The following RBM19 variants were observed in gnomAD, a reference collection of about 807,000 sequenced individuals.
The protein encoded by RBM19 is probable RNA-binding protein 19.
RBM19 carries 94 observed loss-of-function variants against 116.8 expected under a neutral mutation model. The observed-to-expected ratio is 0.80, with a 90% CI of 0.68 to 0.95. The LOEUF (loss-of-function observed/expected upper bound fraction) is 0.95. Among genes scored for constraint, RBM19 ranks in the 40% least tolerant of loss-of-function variants. The pLI is 0.00. For missense variants in RBM19, 1,161 were observed against 1,220.7 expected, an observed-to-expected ratio of 0.95 and a Z score of 0.73; for synonymous variants, 475 against 494.1, an observed-to-expected ratio of 0.96 and a Z score of 0.51.
chr12:113,881,424 G>A (rs147976596), intron 21 of RBM19, among the ~76,000 whole-genome samples: 2 of 152,294 alleles, frequency 1.3e-5, no homozygotes, highest in East Asian at 3.9e-4. Context: ...AGTGAGAACA[G>A]TTTTTCCAGG....
Position 113,948,856 on chromosome 12 carries a change from A to G in RBM19, c.1253T>C (p.Leu418Pro), listed in dbSNP as rs1871253056. 1 of 1,614,076 alleles carries G rather than the reference A, an allele frequency of 6.2e-7. No homozygotes were observed. The highest frequency in any genetic ancestry group is 8.5e-7 in the Non-Finnish European group (1 of 1,180,036). The stretch of plus-strand genomic sequence containing the variant: ...ACCATATTTGGAGAAGAGCTTCTCC[A>G]GATCCTCCTCGGTGCTGGTGTAGGG... Reference protein sequence around the residue: ...NLPYTSTEEDLEKLFSKYGPL... With the variant: ...NLPYTSTEEDPEKLFSKYGPL... Residue 418 changes from leucine to proline, a missense_variant, in exon 10 of 24, where the codon CTG becomes CCG. By Grantham distance (98) the Leu-to-Pro change is moderately conservative (BLOSUM62 -3). Transcript: ENST00000261741.
At chr12:113,906,678 T>G (rs1882066841) in intron 21 of RBM19, among the ~76,000 whole-genome samples, 1 of 152,058 alleles carries the variant, frequency 6.6e-6, no homozygotes, top group African/African-American at 2.4e-5. Context: ...TCTCTGGATC[T>G]GCACGTGCTC....
At chr12:113,910,101 C>T (rs1330534801) in intron 21 of RBM19, among the ~76,000 whole-genome samples, 1 of 152,310 alleles carries the variant, frequency 6.6e-6, no homozygotes, top group Admixed American at 6.5e-5. Flanking sequence ...ACGCCATCCT[C>T]AGAGAGGCAG....
At chr12:113,937,697 G>A (rs1566028366) in intron 15 of RBM19, among the ~76,000 whole-genome samples, 1 of 150,324 alleles carries the variant, frequency 6.7e-6, no homozygotes, top group Non-Finnish European at 1.5e-5. Flanking sequence ...GAGCTCAGGA[G>A]TTTGAGGCTG....
At chr12:113,899,489 T>C (rs1881544851) in intron 21 of RBM19, among the ~76,000 whole-genome samples, 1 of 152,072 alleles carries the variant, frequency 6.6e-6, no homozygotes. Context: ...AGTTACTAAG[T>C]CAAGACAAAA....
intron 23 of RBM19, among the ~76,000 whole-genome samples, chr12:113,839,331 C>T (rs1876251716): frequency 6.6e-6 from 1 of 152,220 alleles, no homozygotes; most frequent in African/African-American, 2.4e-5. Flanking sequence ...GCTGTGGGCA[C>T]CTCCTGTGTC....
chr12:113,944,187 T>C (rs537733008), intron 13 of RBM19, among the ~76,000 whole-genome samples: 3 of 142,306 alleles, frequency 2.1e-5, no homozygotes, highest in East Asian at 2.3e-4. Context: ...GCAACCTGCC[T>C]CCTGGGTTCA....
chr12:113,876,523 G>A (rs1224587702), intron 21 of RBM19, among the ~76,000 whole-genome samples: 3 of 152,174 alleles, frequency 2.0e-5, no homozygotes, highest in African/African-American at 7.2e-5. Context: ...GAGCATGGTG[G>A]CTTATGCTTG....
chr12:113,960,199 T>A, intron 2 of RBM19, 21 bp from the exon 3 acceptor site: 1 of 1,612,502 alleles, frequency 6.2e-7, no homozygotes, highest in Non-Finnish European at 8.5e-7. Flanking sequence ...AAGAGAGTGA[T>A]TTTCACACCT....
chr12:113,910,612 G>C (rs752245872), intron 21 of RBM19, among the ~76,000 whole-genome samples: 1 of 152,182 alleles, frequency 6.6e-6, no homozygotes, highest in Non-Finnish European at 1.5e-5. Flanking sequence ...GGTCCATCTA[G>C]GAATAGCACC....
At chr12:113,853,754 C>G (rs1457567662) in intron 22 of RBM19, among the ~76,000 whole-genome samples, 1 of 152,216 alleles carries the variant, frequency 6.6e-6, no homozygotes, top group African/African-American at 2.4e-5. Flanking sequence ...AGTGAGGCTA[C>G]TCCTGGGGAT....
chr12:113,879,129 CT>C (rs1288233492), intron 21 of RBM19, among the ~76,000 whole-genome samples: 2 of 152,140 alleles, frequency 1.3e-5, no homozygotes, highest in African/African-American at 2.4e-5. Context: ...GCCCTGGGAG[CT>C]TGCTCAATCC....
At chr12:113,895,756 T>C (rs1881275711) in intron 21 of RBM19, among the ~76,000 whole-genome samples, 1 of 151,938 alleles carries the variant, frequency 6.6e-6, no homozygotes, top group Non-Finnish European at 1.5e-5. Context: ...GGAAAACATA[T>C]TCATGTTTTA....
At chr12:113,941,385 CCT>C (rs1870553524) in intron 14 of RBM19, among the ~76,000 whole-genome samples, 1 of 152,178 alleles carries the variant, frequency 6.6e-6, no homozygotes, top group African/African-American at 2.4e-5. Context: ...TGACTTCACC[CCT>C]CTGTGACTGT....
At chr12:113,867,472 C>T (rs1184330352) in intron 21 of RBM19, among the ~76,000 whole-genome samples, 1 of 152,172 alleles carries the variant, frequency 6.6e-6, no homozygotes, top group Non-Finnish European at 1.5e-5. Flanking sequence ...GATTTTAAGC[C>T]GGTGGTTTTC....
Position 113,940,153 on chromosome 12 carries a change from G to C in RBM19, c.1745C>G (p.Ala582Gly). The C allele has an allele frequency of 6.2e-7, 1 of 1,612,752 alleles. No individual in the cohort carries two copies. The highest frequency in any genetic ancestry group is 1.1e-5 in the South Asian group (1 of 90,930). Residue 582 changes from alanine (A) to glycine (G), a missense_variant, in exon 15 of 24, where the codon GCA (alanine) becomes GGA (glycine). Ala to Gly is a moderately conservative substitution (Grantham distance 60). Transcript: ENST00000261741. ...VSLDSFSQAA[A>G]ERSKTVILVK... ...CAGAATCACAGTCTTGCTTCGCTCT[G>C]CTGCAGCCTGCAAAGAGGAAATGCA...
chr12:113,946,043 T>A, intron 12 of RBM19, 119 bp from the exon 13 acceptor site: 1 of 942,814 alleles, frequency 1.1e-6, no homozygotes. Context: ...TGCCCCCAAT[T>A]TCCCTATCAT....
At chr12:113,940,308 G>T in intron 14 of RBM19, 148 bp from the exon 15 acceptor site, 2 of 785,468 alleles carry the variant, frequency 2.5e-6, no homozygotes, top group Non-Finnish European at 4.0e-6. Flanking sequence ...CAGGAGGAAC[G>T]ACCCTCTCTG....
At chr12:113,879,225 T>C (rs1189740503) in intron 21 of RBM19, among the ~76,000 whole-genome samples, 1 of 152,034 alleles carries the variant, frequency 6.6e-6, no homozygotes, top group Non-Finnish European at 1.5e-5. Context: ...CTGGACCACA[T>C]TCTGTACATT....
Sources: allele counts gnomAD v4.1 joint callset (sites outside exome capture counted in the v4.1 genomes callset), GRCh38; gene constraint gnomAD v4.1.1; transcripts MANE v1.5; gene names NCBI Gene and HGNC (gene_info 2026-07-23, HGNC 2026-07-21).